PTPN14: variants seen among roughly 807,000 people sequenced by gnomAD.
PTPN14 encodes the protein protein tyrosine phosphatase non-receptor type 14, also known as tyrosine-protein phosphatase non-receptor type 14.
In PTPN14, 53 loss-of-function variants were observed where a neutral mutation model predicts 126.8. The observed-to-expected ratio is 0.42, with a 90% CI of 0.34 to 0.53. The LOEUF (loss-of-function observed/expected upper bound fraction) is 0.53. PTPN14 is among the 20% of genes least tolerant of loss of function. PTPN14 has a pLI of 0.08. For synonymous variants in PTPN14, 630 were observed against 599.3 expected (o/e 1.05, Z -0.75); for missense variants, 1,257 against 1,552.9 (o/e 0.81, Z 3.20).
At chr1:214,546,179 A>G (rs1185718111) in intron 1 of PTPN14, among the ~76,000 whole-genome samples, 1 of 152,114 alleles carries the variant, frequency 6.6e-6, no homozygotes, top group African/African-American at 2.4e-5. Flanking sequence ...CAAGAGCATC[A>G]CCCAGGAGCT....
intron 9 of PTPN14, 65 bp from the exon 10 acceptor site, chr1:214,393,842 A>T (rs1467185908): frequency 7.5e-7 from 1 of 1,327,198 alleles, no homozygotes; most frequent in African/African-American, 1.5e-5. Context: ...TTTCATTAAG[A>T]TTCTTCTGAG....
intron 3 of PTPN14, among the ~76,000 whole-genome samples, chr1:214,437,307 A>G (rs1571999891): frequency 6.6e-6 from 1 of 152,188 alleles, no homozygotes; most frequent in African/African-American, 2.4e-5. Flanking sequence ...CACTTTAAAA[A>G]TTAAAATTCA....
At chr1:214,519,512 T>C (rs889098800) in intron 1 of PTPN14, among the ~76,000 whole-genome samples, 1 of 152,194 alleles carries the variant, frequency 6.6e-6, no homozygotes, top group Admixed American at 6.5e-5. Flanking sequence ...TATACATTGA[T>C]ACATTCCAGG....
intron 1 of PTPN14, among the ~76,000 whole-genome samples, chr1:214,539,181 T>C (rs1655779571): frequency 1.3e-5 from 2 of 152,212 alleles, no homozygotes; most frequent in South Asian, 4.1e-4. Flanking sequence ...ACATGTCTTC[T>C]CTATCCAGGT....
intron 1 of PTPN14, among the ~76,000 whole-genome samples, chr1:214,505,055 T>C (rs1654800500): frequency 6.6e-6 from 1 of 152,108 alleles, no homozygotes; most frequent in Non-Finnish European, 1.5e-5. Context: ...AAGATACTTG[T>C]GGCCAGTCTC....
At chr1:214,479,668 A>G (rs1660944019) in intron 1 of PTPN14, among the ~76,000 whole-genome samples, 1 of 152,162 alleles carries the variant, frequency 6.6e-6, no homozygotes, top group Non-Finnish European at 1.5e-5. Flanking sequence ...AAAACAAACA[A>G]AAAAAGACTT....
intron 1 of PTPN14, among the ~76,000 whole-genome samples, chr1:214,482,140 T>G (rs1051139818): frequency 6.6e-6 from 1 of 151,968 alleles, no homozygotes; most frequent in Non-Finnish European, 1.5e-5. Flanking sequence ...CTGTAGGTGA[T>G]GCTAAACACT....
At chr1:214,414,009 T>G (rs75960699) in intron 4 of PTPN14, among the ~76,000 whole-genome samples, 2,599 of 152,270 alleles carry the variant, frequency 0.017, 81 homozygotes, top group African/African-American at 0.059. Flanking sequence ...TCAGTATAAC[T>G]GAAGGCAGTT....
At chr1:214,434,657 A>G (rs952854126) in intron 3 of PTPN14, among the ~76,000 whole-genome samples, 2 of 152,238 alleles carry the variant, frequency 1.3e-5, no homozygotes, top group Non-Finnish European at 2.9e-5. Context: ...GGAATCTATG[A>G]GAAGCAGATA....
intron 3 of PTPN14, among the ~76,000 whole-genome samples, chr1:214,448,006 A>C (rs1370937822): frequency 6.6e-5 from 10 of 152,186 alleles, no homozygotes; most frequent in Non-Finnish European, 1.5e-4. Context: ...TCCTTCCTAA[A>C]TCCCACAGTT....
chr1:214,532,807 C>G (rs922788955), intron 1 of PTPN14: 11 of 873,044 alleles, frequency 1.3e-5, no homozygotes, highest in African/African-American at 3.3e-5. Flanking sequence ...CAAGGAGGAG[C>G]TGCTCTTCAT....
At chr1:214,399,707 T>C (rs1658972209) in intron 7 of PTPN14, among the ~76,000 whole-genome samples, 1 of 152,188 alleles carries the variant, frequency 6.6e-6, no homozygotes, top group South Asian at 2.1e-4. Context: ...ACCTTTTGTT[T>C]CCCTTGTTCA....
At chr1:214,506,621 C>T (rs547533552) in intron 1 of PTPN14, among the ~76,000 whole-genome samples, 54 of 152,192 alleles carry the variant, frequency 3.5e-4, no homozygotes, top group African/African-American at 1.2e-3. Context: ...ATGTGACAAA[C>T]GGTAAAAGTG....
chr1:214,523,801 G>A (rs1655320514), intron 1 of PTPN14, among the ~76,000 whole-genome samples: 1 of 152,022 alleles, frequency 6.6e-6, no homozygotes, highest in South Asian at 2.1e-4. Flanking sequence ...GAACACTGGG[G>A]CTGGGAATCT....
intron 1 of PTPN14, among the ~76,000 whole-genome samples, chr1:214,496,368 G>T (rs1447162831): frequency 6.6e-6 from 1 of 152,096 alleles, no homozygotes; most frequent in African/African-American, 2.4e-5. Flanking sequence ...GCTCTGTCAA[G>T]GGGAGTTCAG....
At chr1:214,421,688 A>G (rs78828606) in intron 3 of PTPN14, among the ~76,000 whole-genome samples, 1 of 151,296 alleles carries the variant, frequency 6.6e-6, no homozygotes, top group African/African-American at 2.4e-5. Flanking sequence ...AGTCAAAACT[A>G]TTTTTTTTTC....
At chr1:214,483,318 T>C (rs1288338601) in intron 1 of PTPN14, 21 of 1,613,376 alleles carry the variant, frequency 1.3e-5, no homozygotes, top group Non-Finnish European at 1.7e-5. Flanking sequence ...GTATCTTCAC[T>C]GTAGGGGCGG....
chr1:214,532,831 G>C, intron 1 of PTPN14: 1 of 920,270 alleles, frequency 1.1e-6, no homozygotes, highest in Non-Finnish European at 1.8e-6. Context: ...GAACCACAAA[G>C]ATGAACTAAA....
chr1:214,426,791 A>G (rs1196846293), intron 3 of PTPN14, among the ~76,000 whole-genome samples: 1 of 152,176 alleles, frequency 6.6e-6, no homozygotes, highest in Non-Finnish European at 1.5e-5. Context: ...TTTAGGAACC[A>G]AAAATTCAGG....
Sources: gnomAD v4.1 joint callset for allele counts (sites outside exome capture counted in the v4.1 genomes callset) on GRCh38, gnomAD v4.1.1 for gene constraint, MANE v1.5 for transcripts, NCBI Gene and HGNC (gene_info 2026-07-23, HGNC 2026-07-21) for gene names.